The following CDC14B variants were observed in gnomAD, a reference collection of about 807,000 sequenced individuals.
The protein encoded by CDC14B is cell division cycle 14B, also known as dual specificity protein phosphatase CDC14B.
CDC14B carries 22 observed loss-of-function variants against 64.2 expected under a neutral mutation model. That is an observed-to-expected ratio of 0.34 (90% CI 0.24 to 0.49). The LOEUF (loss-of-function observed/expected upper bound fraction) is 0.49, where lower values mean the gene tolerates loss of function less well. Among genes scored for constraint, CDC14B ranks in the 20% least tolerant of loss-of-function variants. The pLI is 0.99. For synonymous variants in CDC14B, 191 were observed against 215.8 expected (o/e 0.89, Z 1.01); for missense variants, 498 against 629.9 (o/e 0.79, Z 2.24).
intron 1 of CDC14B, among the ~76,000 whole-genome samples, chr9:96,615,741 G>A (rs1847586548): frequency 6.6e-6 from 1 of 152,144 alleles, no homozygotes; most frequent in Non-Finnish European, 1.5e-5. Context: ...TTCTACTCCT[G>A]GGTGTTATAC....
At chr9:96,512,599 A>G (rs1231370582) in intron 12 of CDC14B, among the ~76,000 whole-genome samples, 1 of 152,210 alleles carries the variant, frequency 6.6e-6, no homozygotes, top group Non-Finnish European at 1.5e-5. Flanking sequence ...GTTGGGATTT[A>G]TAGGCATGAG....
chr9:96,618,694 A>T, intron 1 of CDC14B: 1 of 455,652 alleles, frequency 2.2e-6, no homozygotes, highest in Non-Finnish European at 4.3e-6. Context: ...TACGCGCCGG[A>T]CGGGCAACGC....
intron 4 of CDC14B, among the ~76,000 whole-genome samples, chr9:96,554,075 A>T (rs1268239000): frequency 6.6e-6 from 1 of 152,184 alleles, no homozygotes; most frequent in African/African-American, 2.4e-5. Flanking sequence ...AAGGCAGGAG[A>T]ATCCCTTGAA....
intron 9 of CDC14B, among the ~76,000 whole-genome samples, chr9:96,528,087 G>C (rs536947635): frequency 6.6e-6 from 1 of 152,318 alleles, no homozygotes; most frequent in East Asian, 1.9e-4. Flanking sequence ...GTTCATCCAT[G>C]TGGCAGTACA....
intron 12 of CDC14B, among the ~76,000 whole-genome samples, chr9:96,516,541 G>A (rs1465733816): frequency 6.6e-5 from 10 of 152,030 alleles, no homozygotes; most frequent in African/African-American, 7.2e-5. Context: ...GTGCAATGGC[G>A]TGATTTTGGC....
chr9:96,603,409 C>T (rs972249951), intron 1 of CDC14B, among the ~76,000 whole-genome samples: 1 of 152,104 alleles, frequency 6.6e-6, no homozygotes, highest in African/African-American at 2.4e-5. Flanking sequence ...AGGTATAATG[C>T]TGTCTAGTTG....
At chr9:96,541,761 T>G (rs919351464) in intron 6 of CDC14B, 65 bp downstream of exon 6, 2 of 1,128,864 alleles carry the variant, frequency 1.8e-6, no homozygotes, top group African/African-American at 1.6e-5. Flanking sequence ...GAAGAAGGCC[T>G]AGTTTTCTTG....
chr9:96,574,513 C>T (rs998868190), intron 1 of CDC14B, among the ~76,000 whole-genome samples: 1 of 151,624 alleles, frequency 6.6e-6, no homozygotes, highest in African/African-American at 2.4e-5. Context: ...AGGAAAATAA[C>T]TCATATTAGT....
In CDC14B at chr9:96,515,106, G is replaced by A. The variant is rs1311076061; in HGVS notation, c.1344-5317C>T. Among the ~76,000 whole-genome samples, 1 of 152,236 alleles carries A rather than the reference G, an allele frequency of 6.6e-6. No homozygotes were observed. Among genetic ancestry groups the A allele is most frequent in the Non-Finnish European group, 1.5e-5 (1 of 68,042 alleles). On this transcript the variant is annotated intron_variant, in intron 12 of 13. Coordinates refer to ENST00000375241, the MANE Select transcript of CDC14B (RefSeq NM_033331.4). The surrounding 1 kb of genome is among the most constrained non-coding windows in gnomAD (Gnocchi z 4.3). The stretch of plus-strand genomic sequence containing the variant: ...AAGGGGAGGAGGAAAATGAGACAGA[G>A]CAGGAAATTCTGCACACTAAAGAGA...
intron 1 of CDC14B, among the ~76,000 whole-genome samples, chr9:96,572,972 G>A (rs1844561251): frequency 6.6e-6 from 1 of 152,156 alleles, no homozygotes; most frequent in Non-Finnish European, 1.5e-5. Context: ...TGGAAAGGAA[G>A]AATCAAAACT....
intron 13 of CDC14B, among the ~76,000 whole-genome samples, chr9:96,504,990 A>G (rs939047585): frequency 6.6e-6 from 1 of 152,164 alleles, no homozygotes; most frequent in East Asian, 1.9e-4. Flanking sequence ...CCTGGCCAAC[A>G]TGGTGAAACC....
intron 13 of CDC14B, among the ~76,000 whole-genome samples, chr9:96,506,833 A>T (rs1045367639): frequency 2.0e-5 from 3 of 152,218 alleles, no homozygotes; most frequent in Non-Finnish European, 2.9e-5. Flanking sequence ...AACGAGACCT[A>T]GATAGAAAAA....
intron 1 of CDC14B, among the ~76,000 whole-genome samples, chr9:96,616,382 C>T (rs1847629057): frequency 6.6e-6 from 1 of 151,840 alleles, no homozygotes. Flanking sequence ...CTTGAATGTG[C>T]ACAGAAAATT....
intron 9 of CDC14B, among the ~76,000 whole-genome samples, chr9:96,532,202 G>A (rs1838597540): frequency 6.6e-6 from 1 of 152,220 alleles, no homozygotes; most frequent in South Asian, 2.1e-4. Flanking sequence ...AAGGCAAACT[G>A]ATTGCCTGGG....
At chr9:96,534,615 C>G (rs1434076084) in intron 7 of CDC14B, 73 bp from the exon 8 acceptor site, 1 of 954,384 alleles carries the variant, frequency 1.0e-6, no homozygotes, top group Non-Finnish European at 1.6e-6. Context: ...AAGACTGAGT[C>G]TCTGAAGGAC....
chr9:96,592,303 C>T (rs1179202323), intron 1 of CDC14B, among the ~76,000 whole-genome samples: 1 of 152,054 alleles, frequency 6.6e-6, no homozygotes, highest in African/African-American at 2.4e-5. Context: ...GTCTTGAATT[C>T]CCGGACTCAA....
At chr9:96,491,688 A>G (rs1214387406) in exon 14 of CDC14B, 1 of 152,202 alleles carries the variant, frequency 6.6e-6, no homozygotes, top group African/African-American at 2.4e-5. Context: ...CCTTTGAAGA[A>G]ACTTTCCTTT....
chr9:96,584,076 T>C (rs1845330273), intron 1 of CDC14B, among the ~76,000 whole-genome samples: 1 of 152,166 alleles, frequency 6.6e-6, no homozygotes, highest in South Asian at 2.1e-4. Flanking sequence ...CCTATACCTG[T>C]GCTTCAAGTA....
chr9:96,582,097 A>C (rs1410764996), intron 1 of CDC14B, among the ~76,000 whole-genome samples: 1 of 152,128 alleles, frequency 6.6e-6, no homozygotes, highest in Non-Finnish European at 1.5e-5. Context: ...AACTTAAGTC[A>C]CTGGAAAAAA....
Sources: gnomAD v4.1 joint callset for allele counts (sites outside exome capture counted in the v4.1 genomes callset) on GRCh38, gnomAD v4.1.1 for gene constraint, Gnocchi (gnomAD v3.1) non-coding constraint, MANE v1.5 for transcripts, NCBI Gene and HGNC (gene_info 2026-07-23, HGNC 2026-07-21) for gene names.